The following UBN2 variants were observed in gnomAD, a reference collection of about 807,000 sequenced individuals.
UBN2 encodes ubinuclein-2.
Under a neutral mutation model 120.2 loss-of-function variants are expected in UBN2, and 35 were observed. That is an observed-to-expected ratio of 0.29 (90% CI 0.22 to 0.39). The LOEUF (loss-of-function observed/expected upper bound fraction) is 0.39, where lower values mean the gene tolerates loss of function less well. UBN2 is among the 10% of genes least tolerant of loss of function. UBN2 has a pLI of 1.00. For missense variants in UBN2, 1,693 were observed against 1,663.2 expected (o/e 1.02, Z -0.31); for synonymous variants, 661 against 648.7 (o/e 1.02, Z -0.29).
At chr7:139,292,460 G>A (rs10954644) in intron 15 of UBN2, among the ~76,000 whole-genome samples, 18,213 of 152,090 alleles carry the variant, frequency 0.12, 2,056 homozygotes, top group African/African-American at 0.26. Flanking sequence ...TGTCCAATTT[G>A]TCTTTTACCT....
At chr7:139,235,715 G>C (rs918934223) in intron 1 of UBN2, among the ~76,000 whole-genome samples, 2 of 152,074 alleles carry the variant, frequency 1.3e-5, no homozygotes, top group African/African-American at 4.8e-5. Flanking sequence ...CCTTTCATTG[G>C]TAGCTTCTGT....
At chr7:139,321,566 G>A in the UBN2 span, among the ~76,000 whole-genome samples, 3 of 152,314 alleles carry the variant, frequency 2.0e-5, no homozygotes, top group East Asian at 1.9e-4. Flanking sequence ...AGGGAACACC[G>A]GAGGGATGGG....
In UBN2 at chr7:139,283,634, A is replaced by G. The variant is rs1797682885; in HGVS notation, c.2729A>G (p.His910Arg). The change falls in exon 15 of 18, where the codon CAT becomes CGT. Residue 910 changes from histidine to arginine, a missense_variant. Transcript: ENST00000473989. ...SSQAQIAASS[H>R]ALGTSEAQDA... is the part of the protein sequence containing the mutation. Reference sequence around the variant, plus strand: ...CAAGCCCAAATTGCTGCCTCTTCTCATGCTCTGGGAACATCCGAGGCCCAA... The same window carrying G: ...CAAGCCCAAATTGCTGCCTCTTCTCGTGCTCTGGGAACATCCGAGGCCCAA... The G allele has an allele frequency of 6.2e-7, 1 of 1,614,128 alleles. No homozygotes were observed. The highest frequency in any genetic ancestry group is 1.1e-5 in the South Asian group (1 of 91,074).
At chr7:139,237,782 C>T (rs182541916) in intron 2 of UBN2, among the ~76,000 whole-genome samples, 124 of 152,182 alleles carry the variant, frequency 8.1e-4, no homozygotes, top group Admixed American at 6.0e-3. Flanking sequence ...CCGCCACCAT[C>T]GAGAATGCTA....
chr7:139,286,486 T>C (rs1797792194), intron 15 of UBN2, among the ~76,000 whole-genome samples: 2 of 152,192 alleles, frequency 1.3e-5, no homozygotes, highest in East Asian at 3.8e-4. Context: ...TTTCTTTAAC[T>C]TTTTTCCCCT....
downstream of UBN2, among the ~76,000 whole-genome samples, chr7:139,312,293 T>C (rs1387359954): frequency 2.0e-5 from 3 of 152,214 alleles, no homozygotes; most frequent in Non-Finnish European, 4.4e-5. Context: ...TTCATACCAA[T>C]AGTACTGTGG....
intron 7 of UBN2, among the ~76,000 whole-genome samples, chr7:139,268,460 C>G (rs1011209283): frequency 6.6e-6 from 1 of 152,054 alleles, no homozygotes; most frequent in Non-Finnish European, 1.5e-5. Context: ...TTGGTGATGC[C>G]TTGCCATTGC....
At chr7:139,325,760 G>A in the UBN2 span, among the ~76,000 whole-genome samples, 4 of 152,150 alleles carry the variant, frequency 2.6e-5, no homozygotes, top group Admixed American at 2.6e-4. Flanking sequence ...TTGGGCCCTC[G>A]GAGTCTGTCC....
intron 7 of UBN2, among the ~76,000 whole-genome samples, chr7:139,266,928 G>C (rs1457760810): frequency 6.6e-6 from 1 of 152,182 alleles, no homozygotes; most frequent in African/African-American, 2.4e-5. Flanking sequence ...TTGAGAATAA[G>C]AAGGTGAAGG....
intron 2 of UBN2, among the ~76,000 whole-genome samples, chr7:139,247,088 G>C (rs1241325172): frequency 6.6e-6 from 1 of 151,700 alleles, no homozygotes. Context: ...CAGTGGGGTT[G>C]TTAGGTCCAA....
At chr7:139,236,085 G>A (rs558898642) in intron 1 of UBN2, among the ~76,000 whole-genome samples, 37 of 151,894 alleles carry the variant, frequency 2.4e-4, no homozygotes, top group African/African-American at 7.5e-4. Context: ...TCCTTGTTTT[G>A]GTTTTTTTGT....
At chr7:139,244,687 T>C (rs1242682586) in intron 2 of UBN2, among the ~76,000 whole-genome samples, 1 of 152,128 alleles carries the variant, frequency 6.6e-6, no homozygotes, top group East Asian at 1.9e-4. Context: ...TTTATACATA[T>C]CTATAGATAT....
At position 139,293,501 on chromosome 7, in the gene UBN2, T is replaced by G. The variant is rs369952860; in HGVS notation, c.3901+38T>G. On this transcript the variant is annotated intron_variant, in intron 16 of 17. Transcript: ENST00000473989. Reference sequence around the variant, plus strand: ...CTTCTATTTGGTTGGGCTGTCTAGCTTGACAGAACAGGAAACCTCACAAAT... The same window carrying G: ...CTTCTATTTGGTTGGGCTGTCTAGCGTGACAGAACAGGAAACCTCACAAAT... 7.7e-5 allele frequency: 121 copies of G among 1,567,152 alleles called. No individual in the cohort carries two copies. In the African/African-American group the frequency reaches 1.3e-3, roughly 17 times the overall value.
rs1796006948 is a variant in UBN2 at position 139,231,494 on chromosome 7, C to T, written c.10C>T (p.Pro4Ser). 1 of 1,391,018 alleles carries T rather than the reference C, an allele frequency of 7.2e-7. No homozygotes were observed. Among genetic ancestry groups the T allele is most frequent in the Non-Finnish European group, 9.4e-7 (1 of 1,064,178 alleles). 86.2% of individuals were successfully genotyped at this position (1,391,018 alleles called of 1,614,324 possible). The part of the protein sequence containing the change: MAE[P>S]RRVAFISLSP... ...GGCCAGAACAGTGGGGATGGCGGAG[C>T]CGCGCAGAGTAGCGTTCATTAGCTT... The change falls in exon 1 of 18, where the codon CCG becomes TCG. Residue 4 changes from proline to serine, a missense_variant. This residue lies in a region of UBN2 where 663 missense variants were observed against 591.2 expected (regional missense o/e 1.12). Transcript: ENST00000473989.
In UBN2 at chr7:139,272,416, C is replaced by A. The variant is rs1233449460; in HGVS notation, c.1691C>A (p.Ala564Asp). The change falls in exon 9 of 18, where the codon GCT becomes GAT. Residue 564 changes from alanine to aspartate, a missense_variant. Coordinates refer to ENST00000473989, the MANE Select transcript of UBN2 (RefSeq NM_173569.4). ...QLFKYQEDCQ[A>D]RSQAKCAKLQ... ...TTTAAATACCAGGAGGACTGCCAGG[C>A]TCGTAGTCAAGCTAAGTGTGCCAAG... The A allele has an allele frequency of 6.2e-7, 1 of 1,613,042 alleles. No individual in the cohort carries two copies. The highest frequency in any genetic ancestry group is 8.5e-7 in the Non-Finnish European group (1 of 1,179,746).
chr7:139,289,989 G>A (rs1585028534), intron 15 of UBN2, among the ~76,000 whole-genome samples: 1 of 152,056 alleles, frequency 6.6e-6, no homozygotes, highest in East Asian at 1.9e-4. Flanking sequence ...TGCCTCCCAG[G>A]TTCAAGCGGT....
At chr7:139,264,064 GTGA>G (rs1212680229) in intron 6 of UBN2, among the ~76,000 whole-genome samples, 1 of 152,140 alleles carries the variant, frequency 6.6e-6, no homozygotes, top group Non-Finnish European at 1.5e-5. Flanking sequence ...TTTATGACCT[GTGA>G]TGATTATTGA....
At chr7:139,269,870 G>A (rs2131003006) in intron 8 of UBN2, among the ~76,000 whole-genome samples, 1 of 152,012 alleles carries the variant, frequency 6.6e-6, no homozygotes, top group South Asian at 2.1e-4. Context: ...GCCGTGGCGT[G>A]AACATGGCTC....
chr7:139,303,763 A>G lies in UBN2; in HGVS notation c.*5927A>G, dbSNP rs532683063. The G allele has an allele frequency of 3.3e-5, 5 of 152,360 alleles. No homozygotes were observed. In the South Asian group the frequency reaches 8.3e-4, roughly 25 times the overall value. The allele number at this position is 152,360 out of a possible 1,614,324, so 9.4% of individuals were successfully genotyped here. A position where few individuals can be genotyped will look rare whatever the true frequency, so the allele number is the denominator to read the frequency against. The stretch of plus-strand genomic sequence containing the variant: ...GCACCCTATGGTTTTTAAATTTAAA[A>G]AAATCACTGGAATTTTAATTTAGAT... On this transcript the variant is annotated 3_prime_UTR_variant, in exon 18 of 18. Coordinates refer to ENST00000473989, the MANE Select transcript of UBN2 (RefSeq NM_173569.4).
Sources: gnomAD v4.1 joint callset for allele counts (sites outside exome capture counted in the v4.1 genomes callset) on GRCh38, gnomAD v4.1.1 for gene constraint, gnomAD v4.1.1 regional missense constraint, MANE v1.5 for transcripts, NCBI Gene and HGNC (gene_info 2026-07-23, HGNC 2026-07-21) for gene names.